RANBP2: variants seen among roughly 807,000 people sequenced by gnomAD.
The protein encoded by RANBP2 is RAN binding protein 2.
Under a neutral mutation model 303.6 loss-of-function variants are expected in RANBP2, and 57 were observed. The observed-to-expected ratio is 0.19, with a 90% CI of 0.15 to 0.23. The LOEUF is 0.23. Ranked by LOEUF, RANBP2 falls within the 10% of genes least tolerant of loss-of-function variation. The pLI is 1.00. For synonymous variants in RANBP2, 1,167 were observed against 1,301.5 expected (o/e 0.90, Z 2.23); for missense variants, 3,138 against 3,780.8 (o/e 0.83, Z 4.46).
the RANBP2 span, chr2:109,128,503 C>T: frequency 1.3e-5 from 2 of 152,172 alleles, no homozygotes; most frequent in Non-Finnish European, 2.9e-5. Context: ...GGAGTCGGCG[C>T]GGGCCCCGGG....
At chr2:109,574,779 T>C in the RANBP2 span, 1 of 1,552,964 alleles carries the variant, frequency 6.4e-7, no homozygotes, top group Non-Finnish European at 8.7e-7. Context: ...TGAAAAATTA[T>C]TTAAATGTTT....
the RANBP2 span, among the ~76,000 whole-genome samples, chr2:109,382,824 T>A: frequency 1.3e-5 from 2 of 152,322 alleles, no homozygotes; most frequent in Admixed American, 6.5e-5. Context: ...CTTTCAGGAT[T>A]CCTAGTGCAG....
At chr2:109,345,781 A>C in the RANBP2 span, among the ~76,000 whole-genome samples, 53 of 152,316 alleles carry the variant, frequency 3.5e-4, no homozygotes, top group Admixed American at 3.2e-3. Context: ...AAATTTAACC[A>C]AACAGGCTGG....
the RANBP2 span, among the ~76,000 whole-genome samples, chr2:109,722,330 A>G: frequency 6.6e-6 from 1 of 152,176 alleles, no homozygotes; most frequent in Non-Finnish European, 1.5e-5. Flanking sequence ...AAAGAGGCAG[A>G]GCCTGGCACT....
At chr2:108,770,475 A>G (rs1165602126) in intron 20 of RANBP2, among the ~76,000 whole-genome samples, 1 of 152,198 alleles carries the variant, frequency 6.6e-6, no homozygotes, top group Admixed American at 6.5e-5. Context: ...TAAAATTGTC[A>G]TTTGGTGCAA....
At chr2:109,696,145 A>C in the RANBP2 span, among the ~76,000 whole-genome samples, 2 of 151,840 alleles carry the variant, frequency 1.3e-5, no homozygotes, top group South Asian at 4.2e-4. Context: ...TTGTATTGTT[A>C]GTAGAGATGG....
At chr2:109,403,267 C>T in the RANBP2 span, among the ~76,000 whole-genome samples, 1 of 152,210 alleles carries the variant, frequency 6.6e-6, no homozygotes, top group Non-Finnish European at 1.5e-5. Context: ...AGGGGTGCGT[C>T]TGTAGTTTGC....
At chr2:109,376,819 G>T in the RANBP2 span, among the ~76,000 whole-genome samples, 2 of 152,216 alleles carry the variant, frequency 1.3e-5, no homozygotes, top group African/African-American at 4.8e-5. Context: ...GAGACAGCCA[G>T]CATCTCAGCA....
At chr2:109,552,838 T>C in the RANBP2 span, 9 of 407,764 alleles carry the variant, frequency 2.2e-5, no homozygotes, top group South Asian at 3.7e-4. Flanking sequence ...AGCTTCCAGT[T>C]CATTGTAAGA....
the RANBP2 span, among the ~76,000 whole-genome samples, chr2:109,391,989 A>T: frequency 0.21 from 31,611 of 151,792 alleles, 5,168 homozygotes; most frequent in African/African-American, 0.45. Flanking sequence ...AGCTAATTTT[A>T]ATTTTTTACA....
At chr2:109,390,472 C>T in the RANBP2 span, among the ~76,000 whole-genome samples, 18 of 152,084 alleles carry the variant, frequency 1.2e-4, no homozygotes, top group African/African-American at 4.4e-4. Flanking sequence ...TTCCTTCTGG[C>T]AGGTCTTAAT....
the RANBP2 span, among the ~76,000 whole-genome samples, chr2:109,646,298 A>T: frequency 1.3e-5 from 2 of 152,178 alleles, no homozygotes; most frequent in African/African-American, 2.4e-5. Context: ...CAAGAGGCAA[A>T]AAGTCATCCA....
chr2:108,965,388 G>A, the RANBP2 span, among the ~76,000 whole-genome samples: 5 of 151,306 alleles, frequency 3.3e-5, no homozygotes, highest in Admixed American at 2.0e-4. Flanking sequence ...GGCTGAGGCA[G>A]GAGAATGGCA....
rs558836665 is a variant in RANBP2, at chr2:108,768,679, CG to C, written c.7849+292del. On this transcript the variant is annotated intron_variant, in intron 20 of 28. Coordinates refer to ENST00000283195, the MANE Select transcript of RANBP2 (RefSeq NM_006267.5). Reference sequence around the variant, plus strand: ...CTCATGCTTGAATCATGCACATTAACGTGAGTCTTTTTTTAAAGTGTTCATT... The same window carrying C: ...CTCATGCTTGAATCATGCACATTAACTGAGTCTTTTTTTAAAGTGTTCATT... Among the ~76,000 whole-genome samples the C allele has an allele frequency of 7.9e-5, 12 of 152,230 alleles. No homozygotes were observed. In the South Asian group the frequency reaches 2.5e-3, roughly 32 times the overall value.
the RANBP2 span, among the ~76,000 whole-genome samples, chr2:108,983,247 C>G: frequency 6.6e-6 from 1 of 152,178 alleles, no homozygotes; most frequent in Non-Finnish European, 1.5e-5. Flanking sequence ...GCTTTAGGAA[C>G]AGCCATTTTG....
At chr2:109,565,801 A>G in the RANBP2 span, 1 of 1,614,082 alleles carries the variant, frequency 6.2e-7, no homozygotes, top group South Asian at 1.1e-5. Flanking sequence ...AGCTTTGACC[A>G]TCTTGTTTCC....
chr2:109,128,155 G>A, the RANBP2 span: 1 of 152,294 alleles, frequency 6.6e-6, no homozygotes, highest in African/African-American at 2.4e-5. Context: ...GCGGCCACGA[G>A]GGGGCAGCGC....
chr2:108,729,018 G>A (rs1694958235), intron 1 of RANBP2, 114 bp from the exon 2 acceptor site: 12 of 1,283,958 alleles, frequency 9.3e-6, no homozygotes, highest in African/African-American at 1.5e-5. Flanking sequence ...AAACTTTTAA[G>A]TGAATGAAAG....
chr2:109,565,812 G>A, the RANBP2 span: 996 of 1,613,886 alleles, frequency 6.2e-4, 1 homozygote, highest in Non-Finnish European at 8.2e-4. Context: ...TCTTGTTTCC[G>A]ACTTTTACCT....
Sources: allele counts gnomAD v4.1 joint callset (sites outside exome capture counted in the v4.1 genomes callset), GRCh38; gene constraint gnomAD v4.1.1; transcripts MANE v1.5; gene names NCBI Gene and HGNC (gene_info 2026-07-23, HGNC 2026-07-21).